The following TTC7A variants were observed in gnomAD, a reference collection of about 807,000 sequenced individuals.
TTC7A encodes the protein tetratricopeptide repeat protein 7A.
A neutral mutation model predicts 103.7 loss-of-function variants in TTC7A; 110 were observed. The ratio of observed to expected loss-of-function variants is 1.06; its 90% CI spans 0.91 to 1.24. TTC7A has a LOEUF of 1.24. Ranked by LOEUF, TTC7A falls within the 50% of genes most tolerant of loss-of-function variation. TTC7A has a pLI of 0.00. For missense variants in TTC7A, 1,340 were observed against 1,116.3 expected, an observed-to-expected ratio of 1.20 and a Z score of -2.86; for synonymous variants, 521 against 467.9, an observed-to-expected ratio of 1.11 and a Z score of -1.47.
At chr2:46,996,939 T>C (rs910471812) in intron 8 of TTC7A, among the ~76,000 whole-genome samples, 2 of 152,042 alleles carry the variant, frequency 1.3e-5, no homozygotes, top group Non-Finnish European at 2.9e-5. Context: ...ATCATCTGTC[T>C]GGAAACACAG....
chr2:46,980,291 C>T (rs1437858408), intron 5 of TTC7A, among the ~76,000 whole-genome samples: 1 of 147,192 alleles, frequency 6.8e-6, no homozygotes, highest in African/African-American at 2.5e-5. Context: ...GTGATCATGG[C>T]TCACTGTACC....
intron 1 of TTC7A, among the ~76,000 whole-genome samples, chr2:46,946,622 A>G (rs1343402273): frequency 6.6e-6 from 1 of 152,048 alleles, no homozygotes; most frequent in African/African-American, 2.4e-5. Flanking sequence ...GAGTCTCACT[A>G]TGTTGACCAG....
chr2:46,984,663 A>T (rs1674822746), intron 5 of TTC7A, among the ~76,000 whole-genome samples: 1 of 152,116 alleles, frequency 6.6e-6, no homozygotes, highest in Non-Finnish European at 1.5e-5. Flanking sequence ...GAGAGAGACC[A>T]GTGGCAGTCA....
At chr2:47,029,450 A>G (rs1276223472) in intron 15 of TTC7A, 66 bp downstream of exon 15, 4 of 1,551,320 alleles carry the variant, frequency 2.6e-6, no homozygotes, top group Non-Finnish European at 3.5e-6. Flanking sequence ...GCGCCCATGC[A>G]CACCTGCCCT....
intron 10 of TTC7A, among the ~76,000 whole-genome samples, chr2:47,010,265 A>C (rs1230205721): frequency 6.6e-6 from 1 of 152,166 alleles, no homozygotes; most frequent in Non-Finnish European, 1.5e-5. Context: ...CCACTCTGCT[A>C]CTGTATCAGG....
At chr2:47,058,305 G>T (rs1199624315) in intron 18 of TTC7A, among the ~76,000 whole-genome samples, 1 of 152,206 alleles carries the variant, frequency 6.6e-6, no homozygotes, top group Admixed American at 6.5e-5. Context: ...AGAAAAACCA[G>T]AGTCCTCTCA....
intron 2 of TTC7A, chr2:46,951,731 A>G (rs928637095): frequency 2.2e-6 from 1 of 451,682 alleles, no homozygotes; most frequent in African/African-American, 2.0e-5. Context: ...GAGCTATTCC[A>G]AAGTAATATA....
chr2:46,986,406 C>T (rs1013938727), intron 5 of TTC7A, among the ~76,000 whole-genome samples: 3 of 152,192 alleles, frequency 2.0e-5, no homozygotes, highest in African/African-American at 7.2e-5. Context: ...GCCCCGCCCT[C>T]ACTGCGGGGT....
At chr2:46,932,518 C>T (rs1305413032) in intron 2 of TTC7A, among the ~76,000 whole-genome samples, 2 of 152,062 alleles carry the variant, frequency 1.3e-5, no homozygotes, top group Non-Finnish European at 1.5e-5. Context: ...CATCTATGCA[C>T]TTTCTTTTGT....
intron 14 of TTC7A, among the ~76,000 whole-genome samples, chr2:47,024,665 G>A (rs755395324): frequency 2.1e-4 from 32 of 152,046 alleles, no homozygotes; most frequent in Non-Finnish European, 4.4e-4. Flanking sequence ...TTGTGTCCTC[G>A]CCTTCCACTG....
intron 16 of TTC7A, among the ~76,000 whole-genome samples, chr2:47,049,091 T>C (rs553742845): frequency 1.3e-5 from 2 of 152,136 alleles, no homozygotes; most frequent in Admixed American, 6.5e-5. Context: ...CTGGTATTCA[T>C]TGTGGGATCA....
At chr2:46,956,665 C>G in intron 2 of TTC7A, 174 bp from the exon 3 acceptor site, 1 of 655,920 alleles carries the variant, frequency 1.5e-6, no homozygotes, top group Non-Finnish European at 2.7e-6. Context: ...AGGCTGCAGA[C>G]CATGGGTGAG....
chr2:47,006,817 G>C, intron 10 of TTC7A, 93 bp downstream of exon 10: 1 of 1,046,832 alleles, frequency 9.6e-7, no homozygotes, highest in Non-Finnish European at 1.5e-6. Context: ...GGGAGTGGGT[G>C]GGTATTATCC....
At chr2:46,999,240 A>G (rs1254220966) in intron 8 of TTC7A, among the ~76,000 whole-genome samples, 2 of 150,482 alleles carry the variant, frequency 1.3e-5, no homozygotes, top group African/African-American at 2.4e-5. Context: ...CCCACCAACC[A>G]TGCATCCCCC....
intron 5 of TTC7A, among the ~76,000 whole-genome samples, chr2:46,992,274 C>G (rs1324086861): frequency 2.6e-5 from 4 of 152,186 alleles, no homozygotes; most frequent in Non-Finnish European, 5.9e-5. Flanking sequence ...GCCTGGCCCT[C>G]AGGTGGCCAC....
intron 3 of TTC7A, among the ~76,000 whole-genome samples, chr2:46,971,613 C>A (rs370429563): frequency 1.7e-5 from 2 of 116,926 alleles, no homozygotes; most frequent in Non-Finnish European, 3.8e-5. Flanking sequence ...CCAGTTAGGC[C>A]GATGTAGTCA....
intron 3 of TTC7A, among the ~76,000 whole-genome samples, chr2:46,966,937 G>A (rs1672910738): frequency 6.6e-6 from 1 of 151,684 alleles, no homozygotes; most frequent in Non-Finnish European, 1.5e-5. Context: ...TGTTGGCCGG[G>A]CGCGGTGGCT....
chr2:46,955,073 G>T (rs955112707), intron 2 of TTC7A, among the ~76,000 whole-genome samples: 2 of 152,122 alleles, frequency 1.3e-5, no homozygotes, highest in South Asian at 2.1e-4. Flanking sequence ...TGATAAATAC[G>T]CATACCCTGT....
rs940737 is a variant in TTC7A, at chr2:47,061,262, G to C, written c.2355+291G>C. On this transcript the variant is annotated intron_variant, in intron 19 of 19. Transcript: ENST00000319190. The stretch of plus-strand genomic sequence containing the variant: ...CTTTGTGACTTCCTTTTGCTGTAGG[G>C]TTCCGCAAAGGGATCTAGCCCCAAA... 0.85 allele frequency among the ~76,000 whole-genome samples: 130,027 copies of C among 152,210 alleles called. 55,685 individuals carry two copies. The highest frequency in any genetic ancestry group is 0.94 in the East Asian group (4,853 of 5,172).
Sources: allele counts gnomAD v4.1 joint callset (sites outside exome capture counted in the v4.1 genomes callset), GRCh38; gene constraint gnomAD v4.1.1; transcripts MANE v1.5; gene names NCBI Gene and HGNC (gene_info 2026-07-23, HGNC 2026-07-21).